NRTN: variants seen among roughly 807,000 people sequenced by gnomAD.
NRTN encodes the protein neurturin, also known as prepro-neurturin.
Under a neutral mutation model 7.5 loss-of-function variants are expected in NRTN, and 3 were observed. That is an observed-to-expected ratio of 0.40 (90% CI 0.18 to 1.03). The LOEUF (loss-of-function observed/expected upper bound fraction) is 1.03, where lower values mean the gene tolerates loss of function less well. Ranked by LOEUF, NRTN falls within the 50% of genes least tolerant of loss-of-function variation. The probability of loss-of-function intolerance (pLI) is 0.34; values close to 1 mark genes in which losing one functional copy is unlikely to be tolerated. For missense variants in NRTN, 310 were observed against 307.0 expected (o/e 1.01, Z -0.07); for synonymous variants, 157 against 146.6 (o/e 1.07, Z -0.51).
chr19:5,818,940 C>T (rs1309053265), intron 1 of NRTN, among the ~76,000 whole-genome samples: 1 of 152,120 alleles, frequency 6.6e-6, no homozygotes, highest in Non-Finnish European at 1.5e-5. Flanking sequence ...TCTGAAGCTC[C>T]AAGGCCTCCA....
In NRTN at chr19:5,828,054, G is replaced by T; in HGVS notation, c.475G>T (p.Val159Leu). The T allele has an allele frequency of 7.0e-7, 1 of 1,429,094 alleles. No homozygotes were observed. Among genetic ancestry groups the T allele is most frequent in the Non-Finnish European group, 9.1e-7 (1 of 1,098,382 alleles). The allele number at this position is 1,429,094 out of a possible 1,614,324, so 88.5% of individuals were successfully genotyped here. The change falls in exon 3 of 3, where the codon GTG becomes TTG. Residue 159 changes from valine (V) to leucine (L), a missense_variant. Val to Leu is a conservative substitution (Grantham distance 32). Transcript: ENST00000303212. ...RQRRRLRRER[V>L]RAQPCCRPTA... The stretch of plus-strand genomic sequence containing the variant: ...GCGGCGGCGCCTGCGGCGGGAGCGG[G>T]TGCGCGCGCAGCCCTGCTGCCGCCC...
At position 5,805,879 on chromosome 19, in the gene NRTN, G is replaced by C. The variant is rs190821456; in HGVS notation, c.-399+428G>C. Among the ~76,000 whole-genome samples the C allele has an allele frequency of 9.6e-3, 1,460 of 152,166 alleles. 31 individuals are homozygous for C. The highest frequency in any genetic ancestry group is 0.032 in the African/African-American group (1,347 of 41,504). On this transcript the variant is annotated intron_variant, in intron 1 of 2. Transcript: ENST00000303212. ...CGGATCCTGCAGAGCCCGGGCGGGG[G>C]GCTGCCGTCGCGGTCCAGCTGCGCA...
chr19:5,827,695 C>T (rs1354184254), intron 2 of NRTN, 54 bp from the exon 3 acceptor site: 4 of 689,472 alleles, frequency 5.8e-6, no homozygotes, highest in Non-Finnish European at 5.7e-6. Flanking sequence ...AGGGGGCTCC[C>T]TCCCACCCCC....
chr19:5,822,462 G>A (rs193111020), intron 1 of NRTN, among the ~76,000 whole-genome samples: 39 of 152,374 alleles, frequency 2.6e-4, no homozygotes, highest in African/African-American at 5.5e-4. Flanking sequence ...CGGGACGCTC[G>A]GGAGGAGCCC....
chr19:5,806,397 G>A lies in NRTN; in HGVS notation c.-399+946G>A, dbSNP rs780890601. Among the ~76,000 whole-genome samples the A allele has an allele frequency of 6.6e-6, 1 of 152,004 alleles. No individual in the cohort carries two copies. ...TTAAAGCAGGGGGGTGCAGGAGGCC[G>A]GACCCCTGACTTTCCTCCCTCTTGC... On this transcript the variant is annotated intron_variant, in intron 1 of 2. Transcript: ENST00000303212. The surrounding 1 kb of genome is among the most constrained non-coding windows in gnomAD (Gnocchi z 5.4).
chr19:5,807,247 T>C (rs892793820), intron 1 of NRTN, among the ~76,000 whole-genome samples: 1 of 152,156 alleles, frequency 6.6e-6, no homozygotes, highest in Non-Finnish European at 1.5e-5. Context: ...AGAACTGGGC[T>C]GGGGCACTCA....
At chr19:5,826,261 A>C (rs2057046028) in intron 2 of NRTN, among the ~76,000 whole-genome samples, 1 of 151,554 alleles carries the variant, frequency 6.6e-6, no homozygotes, top group Admixed American at 6.6e-5. Context: ...GTGCCCCCTA[A>C]CCCCCCAGCA....
At chr19:5,815,886 A>G (rs2057003802) in intron 1 of NRTN, among the ~76,000 whole-genome samples, 1 of 151,384 alleles carries the variant, frequency 6.6e-6, no homozygotes, top group African/African-American at 2.4e-5. Flanking sequence ...TTGGGATTAC[A>G]GGTGCCTGTC....
intron 2 of NRTN, among the ~76,000 whole-genome samples, chr19:5,826,090 G>C (rs373067291): frequency 1.3e-5 from 2 of 151,728 alleles, no homozygotes; most frequent in Non-Finnish European, 1.5e-5. Flanking sequence ...AGCCGAGATC[G>C]CGCCACTGCA....
intron 1 of NRTN, among the ~76,000 whole-genome samples, chr19:5,815,784 G>C (rs996872329): frequency 1.0e-4 from 12 of 120,496 alleles, no homozygotes; most frequent in African/African-American, 3.8e-4. Context: ...TCACTCTATT[G>C]CCCAGGCTGG....
intron 1 of NRTN, among the ~76,000 whole-genome samples, chr19:5,807,380 C>T (rs1291440991): frequency 6.6e-6 from 1 of 152,192 alleles, no homozygotes; most frequent in Non-Finnish European, 1.5e-5. Flanking sequence ...TCCGCTGATG[C>T]ATCTCCCTGG....
At chr19:5,811,594 G>A (rs561570509) in intron 1 of NRTN, among the ~76,000 whole-genome samples, 28 of 152,234 alleles carry the variant, frequency 1.8e-4, no homozygotes, top group Middle Eastern at 3.4e-3. Context: ...GTGCACTGGC[G>A]CGATCTTGGC....
chr19:5,807,928 C>T (rs1217791200), intron 1 of NRTN, among the ~76,000 whole-genome samples: 1 of 152,072 alleles, frequency 6.6e-6, no homozygotes, highest in African/African-American at 2.4e-5. Flanking sequence ...ACCAAAAATG[C>T]AAAAATTAGC....
At chr19:5,823,045 GAGAAAGAAAGAAAGGAA>G (rs1476878187) in intron 1 of NRTN, among the ~76,000 whole-genome samples, 1 of 145,698 alleles carries the variant, frequency 6.9e-6, no homozygotes, top group Non-Finnish European at 1.5e-5. Context: ...AAGAGAGAGA[GAGAAAGAAAGAAAGGAA>G]AGAAAGGAAG....
rs1315251872 is a variant in NRTN at position 5,806,332 on chromosome 19, G to A, written c.-399+881G>A. Among the ~76,000 whole-genome samples, 1 of 152,128 alleles carries A rather than the reference G, an allele frequency of 6.6e-6. No homozygotes were observed. Among genetic ancestry groups the A allele is most frequent in the Non-Finnish European group, 1.5e-5 (1 of 68,014 alleles). ...CCACAGGCCTGTGATTACCTGCAGG[G>A]CTCGTCATTGGTCCAGATTTGGGGA... On this transcript the variant is annotated intron_variant, in intron 1 of 2. Transcript: ENST00000303212. This position sits in a 1 kb window ranked among gnomAD's most constrained non-coding sequence, Gnocchi z 5.4.
intron 2 of NRTN, among the ~76,000 whole-genome samples, chr19:5,826,413 G>A (rs2057046633): frequency 6.6e-6 from 1 of 152,180 alleles, no homozygotes; most frequent in African/African-American, 2.4e-5. Context: ...GGGACAGACA[G>A]GGAAACTGAG....
intron 1 of NRTN, among the ~76,000 whole-genome samples, 101 bp downstream of exon 1, chr19:5,805,552 G>T (rs1490006748): frequency 1.3e-5 from 2 of 151,978 alleles, no homozygotes; most frequent in East Asian, 1.9e-4. Flanking sequence ...ACTCCGAGTA[G>T]ACCAGGGGAT....
chr19:5,820,855 A>G (rs1272145445), intron 1 of NRTN, among the ~76,000 whole-genome samples: 2 of 150,592 alleles, frequency 1.3e-5, no homozygotes, highest in Admixed American at 1.3e-4. Flanking sequence ...TGTCCTTCCC[A>G]TGGCCCACAC....
At chr19:5,809,387 G>A (rs1299527613) in intron 1 of NRTN, among the ~76,000 whole-genome samples, 4 of 148,856 alleles carry the variant, frequency 2.7e-5, no homozygotes, top group Non-Finnish European at 1.5e-5. Flanking sequence ...GCCCAGGCTG[G>A]TCTCAAAACC....
Sources: gnomAD v4.1 joint callset for allele counts (sites outside exome capture counted in the v4.1 genomes callset) on GRCh38, gnomAD v4.1.1 for gene constraint, Gnocchi (gnomAD v3.1) non-coding constraint, MANE v1.5 for transcripts, NCBI Gene and HGNC (gene_info 2026-07-23, HGNC 2026-07-21) for gene names.